The following ADGRA3 variants were observed in gnomAD, a reference collection of about 807,000 sequenced individuals.
ADGRA3 encodes the protein adhesion G protein-coupled receptor A3, also known as G-protein coupled receptor 125.
Under a neutral mutation model 119.8 loss-of-function variants are expected in ADGRA3, and 56 were observed. That is an observed-to-expected ratio of 0.47 (90% CI 0.38 to 0.58). ADGRA3 has a LOEUF of 0.58. Ranked by LOEUF, ADGRA3 falls within the 20% of genes least tolerant of loss-of-function variation. ADGRA3 has a pLI of 0.00. For missense variants in ADGRA3, 1,516 were observed against 1,649.0 expected (o/e 0.92, Z 1.40); for synonymous variants, 607 against 623.8 (o/e 0.97, Z 0.40).
At chr4:22,434,703 T>C (rs1427039765) in intron 10 of ADGRA3, among the ~76,000 whole-genome samples, 2 of 152,218 alleles carry the variant, frequency 1.3e-5, no homozygotes, top group East Asian at 3.8e-4. Flanking sequence ...TGCTCATTCA[T>C]TCTGTAAACT....
chr4:22,413,760 G>C lies in ADGRA3; in HGVS notation c.1864C>G (p.Gln622Glu). ...QLPPSLFSPK[Q>E]KRELRPTDDS... Reference sequence around the variant, plus strand: ...TCAGTTGGTCTGAGTTCTCTTTTTTGCTTTGGTGAGAAAAGGGAAGGAGGA... The same window carrying C: ...TCAGTTGGTCTGAGTTCTCTTTTTTCCTTTGGTGAGAAAAGGGAAGGAGGA... The change falls in exon 13 of 19, where the codon CAA becomes GAA. Residue 622 changes from glutamine (Q) to glutamate (E), a missense_variant. Gln to Glu is a conservative substitution (Grantham distance 29). This residue lies in a region of ADGRA3 where 1,088 missense variants were observed against 1,107.1 expected (regional missense o/e 0.98). Coordinates refer to ENST00000334304, the MANE Select transcript of ADGRA3 (RefSeq NM_145290.4). 1 of 1,613,670 alleles carries C rather than the reference G, an allele frequency of 6.2e-7. No homozygotes were observed. Among genetic ancestry groups the C allele is most frequent in the South Asian group, 1.1e-5 (1 of 91,076 alleles).
At chr4:22,473,919 A>C in intron 1 of ADGRA3, 76 bp from the exon 2 acceptor site, 1 of 862,916 alleles carries the variant, frequency 1.2e-6, no homozygotes, top group Non-Finnish European at 1.8e-6. Flanking sequence ...TATTATGTTT[A>C]AACCTATGAG....
chr4:22,390,334 A>ATG (rs1474411637), intron 17 of ADGRA3, among the ~76,000 whole-genome samples: 1 of 123,732 alleles, frequency 8.1e-6, no homozygotes, highest in Non-Finnish European at 1.6e-5. Flanking sequence ...ATATATATAT[A>ATG]TATAAAATAC....
chr4:22,511,903 T>TTTTC (rs1393916107), intron 1 of ADGRA3, among the ~76,000 whole-genome samples: 1 of 139,144 alleles, frequency 7.2e-6, no homozygotes, highest in Admixed American at 7.2e-5. Flanking sequence ...TTCTTTTTTT[T>TTTTC]TTTTTTTTTT....
chr4:22,440,823 G>A (rs1716582424), intron 7 of ADGRA3, among the ~76,000 whole-genome samples: 1 of 152,098 alleles, frequency 6.6e-6, no homozygotes. Flanking sequence ...TCTGACATAT[G>A]TATAGGCATG....
At chr4:22,458,970 G>A (rs1220661393) in intron 3 of ADGRA3, among the ~76,000 whole-genome samples, 1 of 152,068 alleles carries the variant, frequency 6.6e-6, no homozygotes, top group Non-Finnish European at 1.5e-5. Context: ...AACTATGGTA[G>A]GAAATTCCCT....
At chr4:22,399,074 T>G (rs1293236343) in intron 16 of ADGRA3, among the ~76,000 whole-genome samples, 3 of 152,174 alleles carry the variant, frequency 2.0e-5, no homozygotes, top group African/African-American at 7.2e-5. Context: ...AGGCATAAAA[T>G]GGTAACTAAT....
intron 1 of ADGRA3, among the ~76,000 whole-genome samples, chr4:22,513,476 T>C (rs1220176360): frequency 6.6e-6 from 1 of 151,838 alleles, no homozygotes; most frequent in Non-Finnish European, 1.5e-5. Flanking sequence ...AATTGATCCT[T>C]AATTGTATCT....
intron 14 of ADGRA3, among the ~76,000 whole-genome samples, chr4:22,405,422 T>C (rs550138321): frequency 1.3e-5 from 2 of 152,072 alleles, no homozygotes; most frequent in Non-Finnish European, 2.9e-5. Flanking sequence ...GGCGCGTGCC[T>C]GTAACCCCAG....
intron 10 of ADGRA3, among the ~76,000 whole-genome samples, chr4:22,428,179 T>A (rs943623025): frequency 1.3e-5 from 2 of 152,102 alleles, no homozygotes; most frequent in African/African-American, 4.8e-5. Flanking sequence ...ACTGAAGACA[T>A]AATATCTATG....
chr4:22,391,038 G>C (rs1278453871), intron 17 of ADGRA3, among the ~76,000 whole-genome samples: 2 of 152,046 alleles, frequency 1.3e-5, no homozygotes. Flanking sequence ...GTTCTCGGGT[G>C]TTCTCTTTCT....
chr4:22,448,024 C>A (rs1272784751), intron 4 of ADGRA3, among the ~76,000 whole-genome samples: 1 of 152,058 alleles, frequency 6.6e-6, no homozygotes, highest in African/African-American at 2.4e-5. Context: ...GGATATAATT[C>A]CACGTTGCTC....
At chr4:22,465,704 G>A (rs1008595786) in intron 2 of ADGRA3, among the ~76,000 whole-genome samples, 29 of 152,074 alleles carry the variant, frequency 1.9e-4, no homozygotes, top group Admixed American at 1.4e-3. Flanking sequence ...TAAGAAATTC[G>A]GCCAAGTTGT....
intron 13 of ADGRA3, 21 bp downstream of exon 13, chr4:22,413,580 T>C (rs1302017113): frequency 7.5e-6 from 12 of 1,600,648 alleles, no homozygotes; most frequent in Non-Finnish European, 1.0e-5. Flanking sequence ...GACTACAGGA[T>C]AACATATGCC....
At chr4:22,436,339 A>G in intron 9 of ADGRA3, 101 bp downstream of exon 9, 1 of 821,958 alleles carries the variant, frequency 1.2e-6, no homozygotes, top group Non-Finnish European at 1.9e-6. Flanking sequence ...CAAAATCCTT[A>G]TGTTTTGCCT....
intron 4 of ADGRA3, among the ~76,000 whole-genome samples, chr4:22,448,876 T>C (rs1716922940): frequency 6.6e-6 from 1 of 152,356 alleles, no homozygotes; most frequent in Admixed American, 6.5e-5. Context: ...GGAAGTCTTT[T>C]ATTTTTGGCC....
At chr4:22,405,737 C>T (rs1332474658) in intron 14 of ADGRA3, among the ~76,000 whole-genome samples, 1 of 152,080 alleles carries the variant, frequency 6.6e-6, no homozygotes, top group Non-Finnish European at 1.5e-5. Flanking sequence ...TTGTTCTCAA[C>T]ATGTTTTTAT....
chr4:22,479,122 C>CA (rs202149728), intron 1 of ADGRA3, among the ~76,000 whole-genome samples: 1,930 of 152,134 alleles, frequency 0.013, 42 homozygotes, highest in African/African-American at 0.043. Flanking sequence ...AAATGCAAAT[C>CA]AAAACCACAA....
intron 1 of ADGRA3, among the ~76,000 whole-genome samples, chr4:22,475,722 G>A (rs1245789088): frequency 3.4e-5 from 5 of 148,626 alleles, no homozygotes; most frequent in African/African-American, 1.0e-4. Context: ...GCGAGACTCC[G>A]TCTCGGAAAA....
Sources: gnomAD v4.1 joint callset for allele counts (sites outside exome capture counted in the v4.1 genomes callset) on GRCh38, gnomAD v4.1.1 for gene constraint, gnomAD v4.1.1 regional missense constraint, MANE v1.5 for transcripts, NCBI Gene and HGNC (gene_info 2026-07-23, HGNC 2026-07-21) for gene names.